Variants in PDSS2 observed in about 807,000 individuals in gnomAD.
The protein encoded by PDSS2 is decaprenyl diphosphate synthase subunit 2, also known as all trans-polyprenyl-diphosphate synthase PDSS2.
A neutral mutation model predicts 44.5 loss-of-function variants in PDSS2; 31 were observed. That is an observed-to-expected ratio of 0.70 (90% CI 0.52 to 0.94). PDSS2 has a LOEUF of 0.94. Among genes scored for constraint, PDSS2 ranks in the 40% least tolerant of loss-of-function variants. PDSS2 has a pLI of 0.00. For missense variants in PDSS2, 452 were observed against 482.2 expected (o/e 0.94, Z 0.59); for synonymous variants, 157 against 180.3 (o/e 0.87, Z 1.03).
At chr6:107,192,386 C>T in intron 7 of PDSS2, 2 of 507,524 alleles carry the variant, frequency 3.9e-6, no homozygotes, top group Non-Finnish European at 7.9e-6. Flanking sequence ...CAGGGAAAGG[C>T]CCAGGGAAAA....
rs114898352 is a variant in PDSS2, at chr6:107,202,254, G to T, written c.1008+8185C>A. 4.2e-3 allele frequency among the ~76,000 whole-genome samples: 646 copies of T among 152,146 alleles called. 4 individuals are homozygous for T. The highest frequency in any genetic ancestry group is 0.015 in the African/African-American group (626 of 41,496). Reference sequence around the variant, plus strand: ...GGGATCTTGCTATGTTGCCTAGCTGGTCTTGAACTCCTGGCCTCAAGCAAT... The same window carrying T: ...GGGATCTTGCTATGTTGCCTAGCTGTTCTTGAACTCCTGGCCTCAAGCAAT... On this transcript the variant is annotated intron_variant, in intron 6 of 7. Transcript: ENST00000369037.
intron 1 of PDSS2, among the ~76,000 whole-genome samples, chr6:107,443,886 G>A (rs986802403): frequency 6.6e-6 from 1 of 152,100 alleles, no homozygotes; most frequent in Admixed American, 6.5e-5. Flanking sequence ...TCAAGGTACT[G>A]TGTATGTCTC....
chr6:107,345,942 T>C (rs1778232570), intron 1 of PDSS2, among the ~76,000 whole-genome samples: 1 of 152,186 alleles, frequency 6.6e-6, no homozygotes. Flanking sequence ...ATTCCATGAC[T>C]GGCTGCCTAA....
chr6:107,214,380 C>CAT (rs1773339401), intron 4 of PDSS2, among the ~76,000 whole-genome samples: 1 of 152,106 alleles, frequency 6.6e-6, no homozygotes, highest in African/African-American at 2.4e-5. Context: ...TGTGAGCCAC[C>CAT]GCTCCCGGCC....
chr6:107,230,045 G>T, intron 4 of PDSS2: 1 of 202,688 alleles, frequency 4.9e-6, no homozygotes, highest in Non-Finnish European at 1.1e-5. Context: ...TATAGCCTGT[G>T]TGAGAAGAAA....
chr6:107,310,258 A>G (rs1477612477), intron 2 of PDSS2, among the ~76,000 whole-genome samples: 1 of 144,390 alleles, frequency 6.9e-6, no homozygotes, highest in Non-Finnish European at 1.5e-5. Flanking sequence ...GCACTCCAGC[A>G]TGGGCGACAG....
At chr6:107,440,034 AG>A (rs1269370674) in intron 1 of PDSS2, among the ~76,000 whole-genome samples, 2 of 152,250 alleles carry the variant, frequency 1.3e-5, no homozygotes, top group East Asian at 3.9e-4. Flanking sequence ...TGACAGGGAC[AG>A]TGGCTATACA....
chr6:107,316,062 T>A (rs76017046), intron 2 of PDSS2, among the ~76,000 whole-genome samples: 1 of 152,194 alleles, frequency 6.6e-6, no homozygotes, highest in Admixed American at 6.5e-5. Flanking sequence ...AAAAAGTATG[T>A]TATAGAAAAA....
intron 4 of PDSS2, among the ~76,000 whole-genome samples, chr6:107,228,587 T>C (rs943739434): frequency 6.6e-6 from 1 of 151,890 alleles, no homozygotes; most frequent in African/African-American, 2.4e-5. Flanking sequence ...CCCAGCTACT[T>C]GGGAGGCTGA....
At chr6:107,416,628 A>G (rs886635461) in intron 1 of PDSS2, among the ~76,000 whole-genome samples, 7 of 152,236 alleles carry the variant, frequency 4.6e-5, no homozygotes, top group African/African-American at 1.7e-4. Context: ...TAAAATTGCT[A>G]GATTTCTTCT....
At chr6:107,411,101 G>T (rs1396452285) in intron 1 of PDSS2, among the ~76,000 whole-genome samples, 2 of 151,994 alleles carry the variant, frequency 1.3e-5, no homozygotes, top group African/African-American at 4.8e-5. Flanking sequence ...GGCCAGGCTG[G>T]TCTCAAACTC....
chr6:107,433,077 AT>A (rs34102454), intron 1 of PDSS2, among the ~76,000 whole-genome samples: 1 of 151,578 alleles, frequency 6.6e-6, no homozygotes. Context: ...CAGGAAAAAA[AT>A]TTTTTTTTAA....
intron 2 of PDSS2, among the ~76,000 whole-genome samples, chr6:107,333,684 T>C (rs1281887809): frequency 6.6e-6 from 1 of 152,118 alleles, no homozygotes; most frequent in Non-Finnish European, 1.5e-5. Context: ...TACAGGCACA[T>C]ACCACCACAA....
chr6:107,188,073 C>A (rs1327382691), intron 7 of PDSS2, among the ~76,000 whole-genome samples: 1 of 152,052 alleles, frequency 6.6e-6, no homozygotes, highest in African/African-American at 2.4e-5. Context: ...ATAGTGCCTC[C>A]AATATATTAA....
chr6:107,391,238 A>G (rs1779770529), intron 1 of PDSS2, among the ~76,000 whole-genome samples: 1 of 152,086 alleles, frequency 6.6e-6, no homozygotes, highest in Non-Finnish European at 1.5e-5. Flanking sequence ...GGCCCACAAC[A>G]CTGTATCTAC....
intron 1 of PDSS2, among the ~76,000 whole-genome samples, chr6:107,375,752 T>A (rs1779266293): frequency 6.6e-6 from 1 of 152,116 alleles, no homozygotes; most frequent in African/African-American, 2.4e-5. Context: ...TTAAACAATA[T>A]CCTTTATGAT....
chr6:107,230,327 C>A (rs1035064372), intron 4 of PDSS2, among the ~76,000 whole-genome samples: 1 of 152,084 alleles, frequency 6.6e-6, no homozygotes, highest in Non-Finnish European at 1.5e-5. Context: ...GATTGACATT[C>A]CACTACTAAA....
At chr6:107,209,641 C>T (rs1773128811) in intron 6 of PDSS2, among the ~76,000 whole-genome samples, 1 of 144,684 alleles carries the variant, frequency 6.9e-6, no homozygotes, top group South Asian at 2.2e-4. Context: ...TGGTCTTGAA[C>T]TCAAGAGCTC....
chr6:107,246,775 G>C (rs1190755223), intron 3 of PDSS2, among the ~76,000 whole-genome samples: 2 of 152,108 alleles, frequency 1.3e-5, no homozygotes, highest in East Asian at 1.9e-4. Flanking sequence ...ACACAGAACT[G>C]CTGATATGAA....
Sources: allele counts gnomAD v4.1 joint callset (sites outside exome capture counted in the v4.1 genomes callset), GRCh38; gene constraint gnomAD v4.1.1; transcripts MANE v1.5; gene names NCBI Gene and HGNC (gene_info 2026-07-23, HGNC 2026-07-21).